Variants in SMCO4 observed in about 807,000 individuals in gnomAD.
SMCO4 encodes single-pass membrane and coiled-coil domain-containing protein 4.
SMCO4 carries 4 observed loss-of-function variants against 3.6 expected under a neutral mutation model. The ratio of observed to expected loss-of-function variants is 1.11; its 90% CI spans 0.54 to 2.53. SMCO4 has a LOEUF of 2.53. Among genes scored for constraint, SMCO4 ranks in the 30% most tolerant of loss-of-function variants. The probability of loss-of-function intolerance (pLI) is 0.02; values close to 1 mark genes in which losing one functional copy is unlikely to be tolerated. For synonymous variants in SMCO4, 36 were observed against 35.3 expected, an observed-to-expected ratio of 1.02 and a Z score of -0.07; for missense variants, 70 against 80.8, an observed-to-expected ratio of 0.87 and a Z score of 0.51.
At chr11:93,523,030 T>C (rs1187772193) in intron 1 of SMCO4, among the ~76,000 whole-genome samples, 9 of 152,170 alleles carry the variant, frequency 5.9e-5, no homozygotes, top group Non-Finnish European at 5.9e-5. Flanking sequence ...TGCAGGTCAC[T>C]TTGCTGGTTC....
intron 1 of SMCO4, chr11:93,535,500 C>T (rs369500966): frequency 1.4e-4 from 190 of 1,367,250 alleles, no homozygotes; most frequent in Middle Eastern, 2.5e-4. Flanking sequence ...CAGCTCCTGA[C>T]GGAGCTGACC....
intron 1 of SMCO4, among the ~76,000 whole-genome samples, chr11:93,505,929 G>C (rs1948895953): frequency 6.6e-6 from 1 of 152,086 alleles, no homozygotes; most frequent in African/African-American, 2.4e-5. Flanking sequence ...GATTAGCTGT[G>C]CCAGACATGG....
At chr11:93,489,630 A>G (rs1215713144) in intron 2 of SMCO4, among the ~76,000 whole-genome samples, 1 of 152,240 alleles carries the variant, frequency 6.6e-6, no homozygotes, top group Non-Finnish European at 1.5e-5. Flanking sequence ...TCAGGCCAGT[A>G]CGACAAAGTA....
chr11:93,511,866 C>G (rs1948960467), intron 1 of SMCO4, among the ~76,000 whole-genome samples: 1 of 152,164 alleles, frequency 6.6e-6, no homozygotes, highest in South Asian at 2.1e-4. Context: ...TGTTTTTAAA[C>G]TGCACGGTAG....
chr11:93,519,606 C>G (rs1591321152), intron 1 of SMCO4, among the ~76,000 whole-genome samples: 2 of 152,158 alleles, frequency 1.3e-5, no homozygotes, highest in African/African-American at 4.8e-5. Context: ...TAAAACTACA[C>G]CAAGATGAGC....
chr11:93,545,907 C>T (rs540615134), upstream of SMCO4, among the ~76,000 whole-genome samples: 1 of 152,326 alleles, frequency 6.6e-6, no homozygotes, highest in South Asian at 2.1e-4. Context: ...CATGAAGAAA[C>T]CTGGTCCAAC....
chr11:93,502,709 T>C (rs1948853877), intron 1 of SMCO4, among the ~76,000 whole-genome samples: 1 of 152,098 alleles, frequency 6.6e-6, no homozygotes. Context: ...GGAACAAAAC[T>C]TAATGCTACA....
chr11:93,497,216 G>A (rs1948784705), intron 2 of SMCO4, among the ~76,000 whole-genome samples: 1 of 152,176 alleles, frequency 6.6e-6, no homozygotes, highest in South Asian at 2.1e-4. Context: ...AAAAATCACA[G>A]TTAACTAAAC....
chr11:93,535,484 A>G, intron 1 of SMCO4: 1 of 1,401,678 alleles, frequency 7.1e-7, no homozygotes, highest in Non-Finnish European at 1.0e-6. Flanking sequence ...GTTGTTGGAG[A>G]GCGAGCAGCT....
At chr11:93,523,768 T>A (rs926936582) in intron 1 of SMCO4, among the ~76,000 whole-genome samples, 2 of 152,238 alleles carry the variant, frequency 1.3e-5, no homozygotes, top group African/African-American at 4.8e-5. Context: ...TATGTAAATT[T>A]AAAATACCCC....
chr11:93,524,586 A>C (rs1949088351), intron 1 of SMCO4, among the ~76,000 whole-genome samples: 1 of 152,140 alleles, frequency 6.6e-6, no homozygotes, highest in African/African-American at 2.4e-5. Context: ...CCACAAACAC[A>C]AATGACCTGG....
intron 1 of SMCO4, among the ~76,000 whole-genome samples, chr11:93,506,408 G>T (rs571484232): frequency 1.4e-4 from 21 of 150,988 alleles, no homozygotes; most frequent in African/African-American, 5.1e-4. Context: ...CTGTATCAGT[G>T]GTCATTATAT....
chr11:93,544,491 G>A (rs1565393822), upstream of SMCO4, among the ~76,000 whole-genome samples: 1 of 152,124 alleles, frequency 6.6e-6, no homozygotes, highest in Non-Finnish European at 1.5e-5. Context: ...TCTTCTGCAG[G>A]TTTTCCACCT....
At chr11:93,533,764 C>G (rs1949185979) in intron 1 of SMCO4, among the ~76,000 whole-genome samples, 1 of 152,174 alleles carries the variant, frequency 6.6e-6, no homozygotes, top group Admixed American at 6.5e-5. Flanking sequence ...ACCTTCATCC[C>G]TTTTAATTCC....
intron 2 of SMCO4, among the ~76,000 whole-genome samples, chr11:93,488,330 G>A (rs566477065): frequency 4.6e-5 from 7 of 152,300 alleles, no homozygotes; most frequent in Non-Finnish European, 8.8e-5. Flanking sequence ...GGGCAAGATG[G>A]GGCCACAGAA....
intron 1 of SMCO4, among the ~76,000 whole-genome samples, chr11:93,503,789 C>A (rs546472411): frequency 5.3e-5 from 8 of 152,186 alleles, no homozygotes; most frequent in Non-Finnish European, 1.0e-4. Flanking sequence ...CGGTCCTGCC[C>A]ATACCTTGAT....
At position 93,487,847 on chromosome 11, in the gene SMCO4, C is replaced by T. The variant is rs370994481; in HGVS notation, c.-80-8578G>A. Reference sequence around the variant, plus strand: ...AGGGTCTGTGATCCTGGGCAAGTAACTTAACCTCTTAAGACCTTCAATTAC... The same window carrying T: ...AGGGTCTGTGATCCTGGGCAAGTAATTTAACCTCTTAAGACCTTCAATTAC... On this transcript the variant is annotated intron_variant, in intron 2 of 2. Coordinates refer to ENST00000298966, the MANE Select transcript of SMCO4 (RefSeq NM_020179.3). Among the ~76,000 whole-genome samples, 30 of 152,360 alleles carry T rather than the reference C, an allele frequency of 2.0e-4. No individual in the cohort carries two copies. In the South Asian group the frequency reaches 3.1e-3, roughly 16 times the overall value.
In SMCO4 at chr11:93,500,873, G is replaced by A. The variant is rs547950937; in HGVS notation, c.-153-1525C>T. ...TGTTGGCTCAGTAGCTGCAGCAAAG[G>A]CTCTACCAGTTTGCCCTAGTTTCTA... On this transcript the variant is annotated intron_variant, in intron 1 of 2. Transcript: ENST00000298966. 2.0e-5 allele frequency among the ~76,000 whole-genome samples: 3 copies of A among 152,302 alleles called. No homozygotes were observed. The South Asian group carries it at 6.2e-4, about 32-fold the overall frequency.
rs187450503 is a variant in SMCO4, at chr11:93,532,625, G to C, written c.-154+10651C>G. On this transcript the variant is annotated intron_variant, in intron 1 of 2. Coordinates refer to ENST00000298966, the MANE Select transcript of SMCO4 (RefSeq NM_020179.3). ...ATGTCCTATTGGTTCTGTCTCTCTG[G>C]AGCACCCTGACTCATACACAGACAC... 4.6e-5 allele frequency among the ~76,000 whole-genome samples: 7 copies of C among 152,186 alleles called. No individual in the cohort carries two copies. The East Asian group carries it at 1.4e-3, about 29-fold the overall frequency.
Sources: allele counts gnomAD v4.1 joint callset (sites outside exome capture counted in the v4.1 genomes callset), GRCh38; gene constraint gnomAD v4.1.1; transcripts MANE v1.5; gene names NCBI Gene and HGNC (gene_info 2026-07-23, HGNC 2026-07-21).